UBE2H: variants seen among roughly 807,000 people sequenced by gnomAD.
The protein encoded by UBE2H is ubiquitin conjugating enzyme E2 H.
A neutral mutation model predicts 29.0 loss-of-function variants in UBE2H; 3 were observed. The ratio of observed to expected loss-of-function variants is 0.10; its 90% CI spans 0.05 to 0.27. The LOEUF (loss-of-function observed/expected upper bound fraction) is 0.27, where lower values mean the gene tolerates loss of function less well. Among genes scored for constraint, UBE2H ranks in the 10% least tolerant of loss-of-function variants. The pLI is 1.00. For missense variants in UBE2H, 68 were observed against 228.2 expected, an observed-to-expected ratio of 0.30 and a Z score of 4.52; for synonymous variants, 69 against 82.9, an observed-to-expected ratio of 0.83 and a Z score of 0.91.
Position 129,832,186 on chromosome 7 carries a change from G to T in UBE2H, c.*2751C>A, listed in dbSNP as rs1299113594. ...CTTCCAGATCTTTCTGTACCTGTGT[G>T]TTTGGGCTCCTACTCCCACCTCTCC... On this transcript the variant is annotated 3_prime_UTR_variant, in exon 7 of 7. Transcript: ENST00000355621. 1 of 152,268 alleles carries T rather than the reference G, an allele frequency of 6.6e-6. No homozygotes were observed. Among genetic ancestry groups the T allele is most frequent in the Non-Finnish European group, 1.5e-5 (1 of 68,098 alleles). The allele number at this position is 152,268 out of a possible 1,614,324, so 9.4% of individuals were successfully genotyped here. A position where few individuals can be genotyped will look rare whatever the true frequency, so the allele number is the denominator to read the frequency against.
At chr7:129,944,405 C>A (rs1236709960) in intron 1 of UBE2H, among the ~76,000 whole-genome samples, 1 of 152,100 alleles carries the variant, frequency 6.6e-6, no homozygotes, top group Non-Finnish European at 1.5e-5. Flanking sequence ...ACCGTTGTCA[C>A]AATTTTATTT....
At chr7:129,843,291 G>A (rs1012471981) in intron 5 of UBE2H, among the ~76,000 whole-genome samples, 3 of 152,040 alleles carry the variant, frequency 2.0e-5, no homozygotes, top group South Asian at 2.1e-4. Flanking sequence ...GAGCCACTGC[G>A]CCCGGCCCAT....
chr7:129,840,886 A>G (rs1272346528), intron 5 of UBE2H, among the ~76,000 whole-genome samples: 1 of 152,182 alleles, frequency 6.6e-6, no homozygotes, highest in Non-Finnish European at 1.5e-5. Flanking sequence ...GCCAAGCCAC[A>G]TTGCTTGAGA....
intron 1 of UBE2H, among the ~76,000 whole-genome samples, chr7:129,921,151 C>T (rs1807153749): frequency 6.6e-6 from 1 of 152,120 alleles, no homozygotes; most frequent in Non-Finnish European, 1.5e-5. Flanking sequence ...TGACCCTTTG[C>T]AGCAGGTACC....
At chr7:129,908,659 G>A (rs1201107470) in intron 1 of UBE2H, among the ~76,000 whole-genome samples, 3 of 152,176 alleles carry the variant, frequency 2.0e-5, no homozygotes, top group Non-Finnish European at 2.9e-5. Context: ...TGTCTGCATA[G>A]GTTCAATCTA....
intron 1 of UBE2H, among the ~76,000 whole-genome samples, chr7:129,900,693 A>C (rs2116421190): frequency 6.6e-6 from 1 of 151,908 alleles, no homozygotes; most frequent in East Asian, 1.9e-4. Flanking sequence ...ATACGTATAC[A>C]TGTAAATATT....
At chr7:129,902,753 G>A (rs1291173564) in intron 1 of UBE2H, among the ~76,000 whole-genome samples, 1 of 152,186 alleles carries the variant, frequency 6.6e-6, no homozygotes, top group Non-Finnish European at 1.5e-5. Flanking sequence ...CCTAAGGCAA[G>A]TGAAATGATC....
At chr7:129,941,926 T>G (rs1807653237) in intron 1 of UBE2H, among the ~76,000 whole-genome samples, 1 of 150,656 alleles carries the variant, frequency 6.6e-6, no homozygotes, top group African/African-American at 2.4e-5. Context: ...AAAATTAACT[T>G]AAGGCCAGGC....
At chr7:129,895,194 A>C (rs1806575085) in intron 1 of UBE2H, among the ~76,000 whole-genome samples, 1 of 152,210 alleles carries the variant, frequency 6.6e-6, no homozygotes, top group Non-Finnish European at 1.5e-5. Context: ...CATGCTGTGC[A>C]GAAGTCCCAA....
intron 1 of UBE2H, among the ~76,000 whole-genome samples, chr7:129,907,602 C>G (rs1046325377): frequency 6.6e-5 from 10 of 152,006 alleles, no homozygotes; most frequent in African/African-American, 2.2e-4. Context: ...CAGTACATAG[C>G]CAGTGAAGGT....
At chr7:129,951,875 TGGAAA>T (rs1322202652) in intron 1 of UBE2H, among the ~76,000 whole-genome samples, 1 of 151,864 alleles carries the variant, frequency 6.6e-6, no homozygotes, top group African/African-American at 2.4e-5. Context: ...GCTTTGTCAG[TGGAAA>T]GGAAAACAGT....
chr7:129,864,113 A>G (rs1805852062), intron 3 of UBE2H, among the ~76,000 whole-genome samples: 2 of 152,182 alleles, frequency 1.3e-5, no homozygotes, highest in Non-Finnish European at 2.9e-5. Context: ...AATTGTTAGA[A>G]AAATATCCAA....
intron 4 of UBE2H, 80 bp downstream of exon 4, chr7:129,858,822 C>G: frequency 7.3e-7 from 1 of 1,371,582 alleles, no homozygotes; most frequent in Non-Finnish European, 1.0e-6. Flanking sequence ...AAAAGATAAC[C>G]GAGGCTTTTT....
intron 5 of UBE2H, among the ~76,000 whole-genome samples, chr7:129,841,231 C>G (rs1381487842): frequency 6.6e-6 from 1 of 152,276 alleles, no homozygotes; most frequent in East Asian, 1.9e-4. Flanking sequence ...CAAAAGCAGC[C>G]AAAGTATAGG....
rs549979181 is a variant in UBE2H at position 129,950,082 on chromosome 7, G to T, written c.53+2421C>A. On this transcript the variant is annotated intron_variant, in intron 1 of 6. Coordinates refer to ENST00000355621, the MANE Select transcript of UBE2H (RefSeq NM_003344.4). ...ACTCAAAAATTGTTGGCTCCATTTG[G>T]GCCTACTGATCTGTGAATTCAACAG... 9.3e-4 allele frequency among the ~76,000 whole-genome samples: 142 copies of T among 152,030 alleles called. 1 individual carries two copies. Among genetic ancestry groups the T allele is most frequent in the Middle Eastern group, 3.4e-3 (1 of 294 alleles).
intron 3 of UBE2H, among the ~76,000 whole-genome samples, chr7:129,863,190 AAAT>A: frequency 6.6e-6 from 1 of 152,350 alleles, no homozygotes; most frequent in Middle Eastern, 3.4e-3. Flanking sequence ...GTACAGGAAT[AAAT>A]AACAGAACCA....
At chr7:129,900,002 CA>C (rs1806676812) in intron 1 of UBE2H, among the ~76,000 whole-genome samples, 1 of 151,792 alleles carries the variant, frequency 6.6e-6, no homozygotes, top group Non-Finnish European at 1.5e-5. Flanking sequence ...TGGTGGCACA[CA>C]ACTGTAACCC....
At chr7:129,852,896 T>G (rs1483079547) in intron 5 of UBE2H, among the ~76,000 whole-genome samples, 1 of 152,202 alleles carries the variant, frequency 6.6e-6, no homozygotes, top group Non-Finnish European at 1.5e-5. Flanking sequence ...TGGCTAATTT[T>G]GTATTTTTAA....
intron 3 of UBE2H, among the ~76,000 whole-genome samples, chr7:129,863,100 T>C (rs1486837956): frequency 6.6e-6 from 1 of 152,232 alleles, no homozygotes. Flanking sequence ...GCCTCCCTCA[T>C]TGGACATGAC....
Sources: gnomAD v4.1 joint callset for allele counts (sites outside exome capture counted in the v4.1 genomes callset) on GRCh38, gnomAD v4.1.1 for gene constraint, MANE v1.5 for transcripts, NCBI Gene and HGNC (gene_info 2026-07-23, HGNC 2026-07-21) for gene names.